MXRA8: variants seen among roughly 807,000 people sequenced by gnomAD.
The protein encoded by MXRA8 is matrix remodeling associated 8.
In MXRA8, 44 loss-of-function variants were observed where a neutral mutation model predicts 51.4. The ratio of observed to expected loss-of-function variants is 0.86; its 90% confidence interval spans 0.67 to 1.10. The LOEUF is 1.10. Among genes scored for constraint, MXRA8 ranks in the 50% least tolerant of loss-of-function variants. The pLI is 0.00. For missense variants in MXRA8, 765 were observed against 638.9 expected (o/e 1.20, Z -2.13); for synonymous variants, 369 against 293.5 (o/e 1.26, Z -2.63).
At chr1:1,355,979 C>T (rs1293586035) in intron 2 of MXRA8, among the ~76,000 whole-genome samples, 2 of 36,578 alleles carry the variant, frequency 5.5e-5, no homozygotes, top group Non-Finnish European at 1.0e-4. Flanking sequence ...CCCTGATGGT[C>T]CTGATGGGGG....
chr1:1,355,675 C>T lies in MXRA8; in HGVS notation c.151G>A (p.Val51Met), dbSNP rs1196705558. 5 of 1,365,036 alleles carry T rather than the reference C, an allele frequency of 3.7e-6. No homozygotes were observed. The highest frequency in any genetic ancestry group is 3.1e-5 in the East Asian group (1 of 32,398). The allele number at this position is 1,365,036 out of a possible 1,614,324, so 84.6% of individuals were successfully genotyped here. ...ATGCGCGGGCTCTGGCAGCGCAGCA[C>T]CGCCCGGGCGCCCGCCTCCCAGCTC... ...AVSWEAGARAVLRCQSPRMVW... is the reference protein window; with the variant it reads ...AVSWEAGARAMLRCQSPRMVW... Residue 51 changes from valine (V) to methionine (M), a missense_variant, in exon 3 of 10, where the codon GTG becomes ATG. Val to Met is a conservative substitution (Grantham distance 21). Coordinates refer to ENST00000309212, the MANE Select transcript of MXRA8 (RefSeq NM_032348.4).
intron 2 of MXRA8, 65 bp from the exon 3 acceptor site, chr1:1,355,817 AGTGGGGGAGGGGCAGGGCCCTG>A: frequency 1.3e-5 from 1 of 74,762 alleles, no homozygotes; most frequent in Non-Finnish European, 1.9e-5. Context: ...TGGGGGAGTC[AGTGGGGGAGGGGCAGGGCCCTG>A]GTGGGGGAGG....
chr1:1,361,513 G>A (rs965961716), upstream of MXRA8: 31 of 560,466 alleles, frequency 5.5e-5, 1 homozygote, highest in East Asian at 4.5e-4. Context: ...AATGCCAGGC[G>A]AGGCCTGAGG....
chr1:1,354,395 A>AT lies in MXRA8; in HGVS notation c.1063_1064insA (p.Leu355HisfsTer32). 6.2e-7 allele frequency: 1 copy of AT among 1,612,352 alleles called. No individual in the cohort carries two copies. Among genetic ancestry groups the AT allele is most frequent in the Non-Finnish European group, 8.5e-7 (1 of 1,179,854 alleles). On this transcript the variant is annotated frameshift_variant, in exon 6 of 10. Transcript: ENST00000309212. LOFTEE classifies it high-confidence loss of function. ...GGCGGCCAGGAGGACAGTGACCAGT[A>AT]GCAGGATGAAGAGCAGCAGCGTGGC...
At chr1:1,355,906 T>G (rs1569794432) in intron 2 of MXRA8, among the ~76,000 whole-genome samples, 154 bp from the exon 3 acceptor site, 1 of 35,702 alleles carries the variant, frequency 2.8e-5, no homozygotes, top group Non-Finnish European at 5.1e-5. Flanking sequence ...GGGAAGTCCG[T>G]GGGGTGGGGC....
intron 1 of MXRA8, 72 bp from the exon 2 acceptor site, chr1:1,356,776 C>T: frequency 7.8e-7 from 1 of 1,288,342 alleles, no homozygotes; most frequent in Non-Finnish European, 1.0e-6. Flanking sequence ...CACTTGGCCC[C>T]CAGAGTCCCT....
chr1:1,359,692 CGGACCGGCGTAAGGACA>C (rs1557687206), upstream of MXRA8: 2 of 581,518 alleles, frequency 3.4e-6, no homozygotes, highest in African/African-American at 4.1e-5. Flanking sequence ...GGGCAGGACA[CGGACCGGCGTAAGGACA>C]GAAGACCCCA....
rs11488459 is a variant in MXRA8, at chr1:1,357,544, C to T, written c.50-840G>A. On this transcript the variant is annotated intron_variant, in intron 1 of 9. Transcript: ENST00000309212. ...CTCCCCCACCAGGCATGGTGGCTCA[C>T]GCCTGTAATCCCAGCACTTTGGGAG... 3.8e-3 allele frequency among the ~76,000 whole-genome samples: 585 copies of T among 152,296 alleles called. 4 individuals carry two copies. The highest frequency in any genetic ancestry group is 0.013 in the African/African-American group (523 of 41,556).
chr1:1,354,567 C>A (rs2100801885), intron 5 of MXRA8, 58 bp from the exon 6 acceptor site: 1 of 1,577,592 alleles, frequency 6.3e-7, no homozygotes, highest in Non-Finnish European at 8.6e-7. Context: ...GCGCCCCGAC[C>A]CGGGCCACGG....
upstream of MXRA8, chr1:1,361,376 G>A (rs1644220589): frequency 2.9e-6 from 2 of 699,656 alleles, no homozygotes; most frequent in African/African-American, 3.5e-5. Flanking sequence ...GCCAGCCATG[G>A]CCCTCTTGGA....
upstream of MXRA8, chr1:1,359,691 A>ACGGAC (rs1553178605): frequency 3.4e-6 from 2 of 593,718 alleles, no homozygotes; most frequent in African/African-American, 2.0e-5. Context: ...CGGGCAGGAC[A>ACGGAC]CGGACCGGCG....
chr1:1,355,296 G>A lies in MXRA8; in HGVS notation c.426C>T (p.His142=). 2.5e-6 allele frequency: 4 copies of A among 1,579,808 alleles called. No homozygotes were observed. Among genetic ancestry groups the A allele is most frequent in the Non-Finnish European group, 3.4e-6 (4 of 1,166,480 alleles). The change falls in exon 4 of 10, where the codon CAC becomes CAT. Residue 142 remains histidine, a synonymous_variant. Transcript: ENST00000309212. Reference sequence around the variant, plus strand: ...CCAGGCTCTCGTAGAGGTGGCAGTAGTGATGGTGCAGGTTGCAGGTGTACA... The same window carrying A: ...CCAGGCTCTCGTAGAGGTGGCAGTAATGATGGTGCAGGTTGCAGGTGTACA... ...AGLYTCNLHH[H]YCHLYESLAV...
At position 1,354,442 on chromosome 1, in the gene MXRA8, G is replaced by A. The variant is rs1162928064; in HGVS notation, c.1017C>T (p.Phe339=). The A allele has an allele frequency of 2.5e-6, 4 of 1,612,360 alleles. No homozygotes were observed. The African/African-American group carries it at 5.3e-5, about 22-fold the overall frequency. Residue 339 remains phenylalanine (F), a synonymous_variant, in exon 6 of 10, where the codon TTC becomes TTT. Transcript: ENST00000309212. The stretch of plus-strand genomic sequence containing the variant: ...TGGCCAGCACGTAGCCCAGCTGCTG[G>A]AAGAAGTGGGCTCGGCTCTCGGGGA... The part of the protein sequence containing the change: ...VIVPESRAHF[F]QQLGYVLATL...
Position 1,354,371 on chromosome 1 carries a change from G to A in MXRA8, c.1088C>T (p.Ala363Val). The A allele has an allele frequency of 6.2e-7, 1 of 1,611,616 alleles. No homozygotes were observed. The highest frequency in any genetic ancestry group is 2.2e-5 in the East Asian group (1 of 44,848). The part of the protein sequence containing the change: ...ILLLVTVLLA[A>V]RRRRGGYEYS... The stretch of plus-strand genomic sequence containing the variant: ...AGCCTCACCTCCGCGGCGCCTGCGG[G>A]CGGCCAGGAGGACAGTGACCAGTAG... The change falls in exon 6 of 10, where the codon GCC (alanine) becomes GTC (valine). Residue 363 changes from alanine (A) to valine (V), a missense_variant. Transcript: ENST00000309212.
At chr1:1,362,500 C>G (rs1448183197), upstream of MXRA8, among the ~76,000 whole-genome samples, 1 of 151,952 alleles carries the variant, frequency 6.6e-6, no homozygotes. Flanking sequence ...AAAGTCTCGG[C>G]CAGGCAAGAT....
upstream of MXRA8, among the ~76,000 whole-genome samples, chr1:1,360,382 GAA>G (rs1242655723): frequency 6.6e-6 from 1 of 152,054 alleles, no homozygotes; most frequent in African/African-American, 2.4e-5. Context: ...CCCTCAGTGG[GAA>G]ACAGCCACAG....
Position 1,354,992 on chromosome 1 carries a change from C to T in MXRA8, c.639G>A (p.Gly213=). The change falls in exon 5 of 10, where the codon GGG becomes GGA. Residue 213 remains glycine, a synonymous_variant. Transcript: ENST00000309212. ...QVVHWDRQPP[G]VPHDRADRLL... ...GGCGGTCCGCGCGGTCGTGCGGGAC[C>T]CCGGGCGGCTGCCGGTCCCAGTGCA... The T allele has an allele frequency of 4.4e-6, 7 of 1,599,450 alleles. No individual in the cohort carries two copies. The highest frequency in any genetic ancestry group is 6.0e-6 in the Non-Finnish European group (7 of 1,174,314).
At chr1:1,358,407 A>C in intron 1 of MXRA8, 49 bp downstream of exon 1, 1 of 1,566,090 alleles carries the variant, frequency 6.4e-7, no homozygotes, top group Non-Finnish European at 8.7e-7. Context: ...ACGGACTCGC[A>C]CAGCCCCACG....
chr1:1,362,687 A>G (rs1258789645), upstream of MXRA8, among the ~76,000 whole-genome samples: 1 of 150,188 alleles, frequency 6.7e-6, no homozygotes, highest in African/African-American at 2.5e-5. Flanking sequence ...AGGCTGAGGC[A>G]AGAGAATTAC....
Sources: allele counts gnomAD v4.1 joint callset (sites outside exome capture counted in the v4.1 genomes callset), GRCh38; gene constraint gnomAD v4.1.1; transcripts MANE v1.5; gene names NCBI Gene and HGNC (gene_info 2026-07-23, HGNC 2026-07-21).